Variants in R3HDM2 observed in about 807,000 individuals in gnomAD.
R3HDM2 encodes R3H domain containing 2.
Under a neutral mutation model 124.5 loss-of-function variants are expected in R3HDM2, and 38 were observed. The observed-to-expected ratio is 0.31, with a 90% CI of 0.24 to 0.40. R3HDM2 has a LOEUF of 0.40. Ranked by LOEUF, R3HDM2 falls within the 10% of genes least tolerant of loss-of-function variation. R3HDM2 has a pLI of 1.00. For synonymous variants in R3HDM2, 391 were observed against 448.0 expected, an observed-to-expected ratio of 0.87 and a Z score of 1.61; for missense variants, 869 against 1,236.9, an observed-to-expected ratio of 0.70 and a Z score of 4.46.
At chr12:57,353,422 C>A (rs1220627922) in intron 2 of R3HDM2, among the ~76,000 whole-genome samples, 1 of 152,124 alleles carries the variant, frequency 6.6e-6, no homozygotes, top group African/African-American at 2.4e-5. Flanking sequence ...CCACACCCAA[C>A]AGACCACCAA....
intron 2 of R3HDM2, among the ~76,000 whole-genome samples, chr12:57,372,597 A>G (rs956436999): frequency 2.0e-4 from 30 of 152,214 alleles, no homozygotes; most frequent in Admixed American, 6.5e-5. Context: ...CTAATAAACA[A>G]TGGTACTATT....
At chr12:57,353,590 T>G (rs2060913511) in intron 2 of R3HDM2, among the ~76,000 whole-genome samples, 1 of 151,812 alleles carries the variant, frequency 6.6e-6, no homozygotes, top group African/African-American at 2.4e-5. Flanking sequence ...TTTATTTTTA[T>G]TTTTTTTAGA....
At chr12:57,257,890 C>T (rs747926200) in intron 21 of R3HDM2, 100 bp downstream of exon 21, 40 of 1,278,848 alleles carry the variant, frequency 3.1e-5, no homozygotes, top group Non-Finnish European at 4.0e-5. Flanking sequence ...GGATCATCTA[C>T]ACTGGTCCTC....
chr12:57,336,594 A>G (rs1183786141), intron 2 of R3HDM2, among the ~76,000 whole-genome samples: 2 of 152,200 alleles, frequency 1.3e-5, no homozygotes, highest in African/African-American at 4.8e-5. Context: ...GTTATCACTT[A>G]TAAGTGGGAG....
At chr12:57,270,815 C>A (rs985164239) in intron 14 of R3HDM2, among the ~76,000 whole-genome samples, 1 of 151,482 alleles carries the variant, frequency 6.6e-6, no homozygotes, top group East Asian at 2.0e-4. Context: ...GTGATCAGCC[C>A]GCCTCAGCCT....
chr12:57,338,804 A>AT (rs993776571), intron 2 of R3HDM2, among the ~76,000 whole-genome samples: 98 of 138,958 alleles, frequency 7.1e-4, no homozygotes, highest in East Asian at 1.0e-3. Flanking sequence ...TCCCCCTGCC[A>AT]TTTTTTTTTT....
intron 2 of R3HDM2, among the ~76,000 whole-genome samples, chr12:57,352,773 C>T (rs2060822630): frequency 6.6e-6 from 1 of 152,036 alleles, no homozygotes; most frequent in Admixed American, 6.6e-5. Flanking sequence ...GGATTACAGG[C>T]GTGAACCATG....
intron 2 of R3HDM2, among the ~76,000 whole-genome samples, chr12:57,313,943 C>T (rs2054490985): frequency 6.7e-6 from 1 of 148,584 alleles, no homozygotes; most frequent in Non-Finnish European, 1.5e-5. Context: ...AATCCCAGCA[C>T]TTTGGGAGGC....
At chr12:57,292,754 G>T in intron 10 of R3HDM2, 87 bp from the exon 11 acceptor site, 3 of 825,362 alleles carry the variant, frequency 3.6e-6, no homozygotes, top group Non-Finnish European at 5.7e-6. Flanking sequence ...AACCGGGAAA[G>T]TTTATAGTTG....
At chr12:57,375,734 G>A (rs1373719316) in intron 2 of R3HDM2, among the ~76,000 whole-genome samples, 1 of 149,814 alleles carries the variant, frequency 6.7e-6, no homozygotes. Flanking sequence ...GTGCAGCGGT[G>A]CAATCTCGGC....
rs2038114361 is a variant in R3HDM2, at chr12:57,253,768, G to C, written c.*1005C>G. ...ACAGAGAAACAGTGACTGATGTCCA[G>C]TGACAGATTTTTTTTTTTATATTTA... On this transcript the variant is annotated 3_prime_UTR_variant, in exon 24 of 24. Transcript: ENST00000402412. 5.1e-6 allele frequency: 1 copy of C among 194,818 alleles called. No homozygotes were observed. Among genetic ancestry groups the C allele is most frequent in the Non-Finnish European group, 1.0e-5 (1 of 98,008 alleles). 12.1% of individuals were successfully genotyped at this position (194,818 alleles called of 1,614,324 possible). A position where few individuals can be genotyped will look rare whatever the true frequency, so the allele number is the denominator to read the frequency against.
intron 3 of R3HDM2, chr12:57,304,594 TG>T (rs919024087): frequency 2.6e-6 from 2 of 781,176 alleles, no homozygotes; most frequent in Non-Finnish European, 3.1e-6. Context: ...TAAGAAATGA[TG>T]GTGGATCTGC....
At chr12:57,413,181 C>T (rs1555316972) in intron 1 of R3HDM2, among the ~76,000 whole-genome samples, 2 of 151,788 alleles carry the variant, frequency 1.3e-5, no homozygotes, top group Non-Finnish European at 1.5e-5. Flanking sequence ...AAAAAGAAAA[C>T]TTATGTCACC....
intron 2 of R3HDM2, among the ~76,000 whole-genome samples, chr12:57,389,282 T>C (rs1007831014): frequency 6.6e-6 from 1 of 152,116 alleles, no homozygotes; most frequent in Non-Finnish European, 1.5e-5. Flanking sequence ...CTGACTAATA[T>C]ACAAAGCTAT....
chr12:57,395,829 A>AG lies in R3HDM2; in HGVS notation c.-105-12dup, dbSNP rs1264181892. On this transcript the variant is annotated splice_polypyrimidine_tract_variant and intron_variant, in intron 1 of 23. Coordinates refer to ENST00000402412, the MANE Select transcript of R3HDM2 (RefSeq NM_001394031.1). The stretch of plus-strand genomic sequence containing the variant: ...AAACAAGTCTAACCTCTGGGGGAGG[A>AG]GGGGGAAAAAAAAAAACAAGTTAAA... The AG allele has an allele frequency of 4.1e-6, 4 of 975,170 alleles. No homozygotes were observed. The highest frequency in any genetic ancestry group is 3.7e-6 in the Non-Finnish European group (3 of 821,306). The allele number at this position is 975,170 out of a possible 1,614,324, so 60.4% of individuals were successfully genotyped here.
chr12:57,379,347 G>A (rs941282174), intron 2 of R3HDM2, among the ~76,000 whole-genome samples: 4 of 152,144 alleles, frequency 2.6e-5, no homozygotes, highest in Non-Finnish European at 5.9e-5. Context: ...TTGGGAGGCC[G>A]AGGCAGGCAG....
At chr12:57,305,280 C>T (rs111957436) in intron 3 of R3HDM2, among the ~76,000 whole-genome samples, 25 of 152,218 alleles carry the variant, frequency 1.6e-4, no homozygotes, top group African/African-American at 5.5e-4. Context: ...AGAAGATCTA[C>T]CCCATTTTTA....
chr12:57,289,166 AG>A, intron 11 of R3HDM2, 126 bp from the exon 12 acceptor site: 3 of 887,562 alleles, frequency 3.4e-6, no homozygotes, highest in Non-Finnish European at 5.5e-6. Context: ...CAACAGGGAG[AG>A]AGGGGCCAGG....
intron 14 of R3HDM2, among the ~76,000 whole-genome samples, chr12:57,279,706 C>G: frequency 6.6e-6 from 1 of 151,854 alleles, no homozygotes. Flanking sequence ...TACTGAAGTT[C>G]TGGTTTAGAA....
Sources: allele counts gnomAD v4.1 joint callset (sites outside exome capture counted in the v4.1 genomes callset), GRCh38; gene constraint gnomAD v4.1.1; transcripts MANE v1.5; gene names NCBI Gene and HGNC (gene_info 2026-07-23, HGNC 2026-07-21).